COL24A1: variants seen among roughly 807,000 people sequenced by gnomAD.
COL24A1 encodes collagen type XXIV alpha 1 chain.
In COL24A1, 224 loss-of-function variants were observed where a neutral mutation model predicts 253.9. The observed-to-expected ratio is 0.88, with a 90% CI of 0.79 to 0.99. COL24A1 has a LOEUF of 0.99. Among genes scored for constraint, COL24A1 ranks in the 50% least tolerant of loss-of-function variants. The pLI is 0.00. For missense variants in COL24A1, 2,131 were observed against 2,068.5 expected (o/e 1.03, Z -0.59); for synonymous variants, 685 against 673.7 (o/e 1.02, Z -0.26).
At chr1:86,022,725 C>T (rs1697663885) in intron 16 of COL24A1, 108 bp downstream of exon 16, 1 of 1,234,206 alleles carries the variant, frequency 8.1e-7, no homozygotes, top group East Asian at 2.6e-5. Flanking sequence ...ATAATTGATA[C>T]TACAAATTAG....
At chr1:85,873,896 T>A (rs761651532) in intron 35 of COL24A1, among the ~76,000 whole-genome samples, 1 of 152,010 alleles carries the variant, frequency 6.6e-6, no homozygotes, top group Non-Finnish European at 1.5e-5. Flanking sequence ...TGCAGAAATG[T>A]AGAGCCATAC....
intron 37 of COL24A1, among the ~76,000 whole-genome samples, chr1:85,860,566 C>T (rs959609268): frequency 2.0e-5 from 3 of 152,108 alleles, no homozygotes; most frequent in African/African-American, 7.2e-5. Context: ...ACGGTGAAAT[C>T]CCATCTCTAC....
chr1:86,139,662 T>C (rs1650798046), intron 2 of COL24A1, among the ~76,000 whole-genome samples: 1 of 152,110 alleles, frequency 6.6e-6, no homozygotes, highest in Admixed American at 6.6e-5. Flanking sequence ...TAATATAACA[T>C]AGCACTTAAA....
At chr1:86,086,217 C>T (rs905919906) in intron 7 of COL24A1, among the ~76,000 whole-genome samples, 1 of 152,152 alleles carries the variant, frequency 6.6e-6, no homozygotes, top group Admixed American at 6.5e-5. Flanking sequence ...TATTTTACTT[C>T]CTCTTGCAAC....
At chr1:85,881,850 T>C (rs560650010) in intron 32 of COL24A1, among the ~76,000 whole-genome samples, 44 of 152,264 alleles carry the variant, frequency 2.9e-4, no homozygotes, top group African/African-American at 9.9e-4. Context: ...TGATTTCTGC[T>C]GATTTTTATT....
Position 86,125,949 on chromosome 1 carries a change from A to G in COL24A1, c.387T>C (p.Asn129=). ...NAFLFSIRNK[N]RLQLGVQLLP... ...GTAATTGTACTCCTAATTGCAGTCT[A>G]TTTTTATTTCTAATGCTGAAGAGAA... Residue 129 remains asparagine (N), a synonymous_variant, in exon 3 of 60, where the codon AAT becomes AAC. Transcript: ENST00000370571. The G allele has an allele frequency of 6.2e-7, 1 of 1,613,426 alleles. No homozygotes were observed. The highest frequency in any genetic ancestry group is 8.5e-7 in the Non-Finnish European group (1 of 1,179,736).
At chr1:85,738,983 TA>T (rs1664337857) in intron 57 of COL24A1, among the ~76,000 whole-genome samples, 1 of 152,208 alleles carries the variant, frequency 6.6e-6, no homozygotes, top group South Asian at 2.1e-4. Context: ...TCTGCATTTC[TA>T]ACAGTATCTA....
chr1:85,926,240 G>C (rs1315083850), intron 24 of COL24A1, among the ~76,000 whole-genome samples: 1 of 152,198 alleles, frequency 6.6e-6, no homozygotes, highest in Non-Finnish European at 1.5e-5. Flanking sequence ...GTGTAAACTA[G>C]TTCAACCATT....
intron 37 of COL24A1, among the ~76,000 whole-genome samples, chr1:85,864,609 C>A (rs955473654): frequency 6.6e-6 from 1 of 152,006 alleles, no homozygotes; most frequent in Non-Finnish European, 1.5e-5. Context: ...TCTTATCATT[C>A]TTTTCTAACT....
intron 53 of COL24A1, among the ~76,000 whole-genome samples, chr1:85,767,103 C>CAAT (rs67386357): frequency 0.015 from 2,223 of 145,618 alleles, 36 homozygotes; most frequent in African/African-American, 0.023. Flanking sequence ...GACTCCGTCT[C>CAAT]AATAATAATA....
intron 53 of COL24A1, among the ~76,000 whole-genome samples, chr1:85,763,555 G>T (rs559770544): frequency 8.9e-5 from 13 of 145,488 alleles, no homozygotes; most frequent in Non-Finnish European, 1.5e-4. Context: ...GCAGTGGTGC[G>T]ATCTCGGCTC....
chr1:85,945,419 T>TA (rs1034135116), intron 24 of COL24A1, among the ~76,000 whole-genome samples: 1 of 151,562 alleles, frequency 6.6e-6, no homozygotes, highest in Admixed American at 6.6e-5. Flanking sequence ...ACAATTTTAT[T>TA]AAAAAATTAT....
At chr1:86,008,065 T>C (rs1696133176) in intron 19 of COL24A1, among the ~76,000 whole-genome samples, 1 of 152,090 alleles carries the variant, frequency 6.6e-6, no homozygotes, top group South Asian at 2.1e-4. Context: ...GTAGAATATA[T>C]TTCAAGAATG....
At chr1:85,855,356 T>A (rs1259566079) in intron 37 of COL24A1, among the ~76,000 whole-genome samples, 1 of 152,174 alleles carries the variant, frequency 6.6e-6, no homozygotes, top group Non-Finnish European at 1.5e-5. Context: ...GGGTTTGTCA[T>A]AGATGACAGT....
chr1:85,872,269 C>G (rs1680607398), intron 35 of COL24A1, among the ~76,000 whole-genome samples: 1 of 152,102 alleles, frequency 6.6e-6, no homozygotes, highest in African/African-American at 2.4e-5. Flanking sequence ...GCCATATTGC[C>G]CAAGGTAGTT....
intron 24 of COL24A1, among the ~76,000 whole-genome samples, chr1:85,918,207 A>G (rs918841487): frequency 1.3e-5 from 2 of 151,436 alleles, no homozygotes; most frequent in African/African-American, 4.8e-5. Flanking sequence ...GTCATTAAAT[A>G]ATGGGCATTC....
chr1:86,127,462 T>A (rs918768858), intron 2 of COL24A1, among the ~76,000 whole-genome samples: 1 of 152,032 alleles, frequency 6.6e-6, no homozygotes, highest in African/African-American at 2.4e-5. Context: ...AATGAATTTG[T>A]CCCACAGCAA....
At chr1:85,934,042 A>T (rs956978270) in intron 24 of COL24A1, among the ~76,000 whole-genome samples, 5 of 152,150 alleles carry the variant, frequency 3.3e-5, no homozygotes, top group African/African-American at 9.7e-5. Context: ...AAGATTTGGC[A>T]TTGGCTGCAG....
At chr1:86,132,186 T>C (rs980403245) in intron 2 of COL24A1, among the ~76,000 whole-genome samples, 9 of 152,238 alleles carry the variant, frequency 5.9e-5, no homozygotes, top group Non-Finnish European at 1.0e-4. Flanking sequence ...TCTGCTCATA[T>C]CCTTTGCCCA....
Sources: gnomAD v4.1 joint callset for allele counts (sites outside exome capture counted in the v4.1 genomes callset) on GRCh38, gnomAD v4.1.1 for gene constraint, MANE v1.5 for transcripts, NCBI Gene and HGNC (gene_info 2026-07-23, HGNC 2026-07-21) for gene names.